The following CCDC60 variants were observed in gnomAD, a reference collection of about 807,000 sequenced individuals.
CCDC60 encodes coiled-coil domain containing 60.
In CCDC60, 54 loss-of-function variants were observed where a neutral mutation model predicts 63.5. The observed-to-expected ratio is 0.85, with a 90% CI of 0.68 to 1.07. The LOEUF (loss-of-function observed/expected upper bound fraction) is 1.07, where lower values mean the gene tolerates loss of function less well. Among genes scored for constraint, CCDC60 ranks in the 50% least tolerant of loss-of-function variants. CCDC60 has a pLI of 0.00. For synonymous variants in CCDC60, 206 were observed against 238.8 expected, an observed-to-expected ratio of 0.86 and a Z score of 1.27; for missense variants, 651 against 684.3, an observed-to-expected ratio of 0.95 and a Z score of 0.54.
At chr12:119,487,140 G>C (rs557566615) in intron 4 of CCDC60, among the ~76,000 whole-genome samples, 2 of 152,092 alleles carry the variant, frequency 1.3e-5, no homozygotes, top group African/African-American at 2.4e-5. Flanking sequence ...GCCCAGGCCC[G>C]TGAGAGCACA....
intron 1 of CCDC60, among the ~76,000 whole-genome samples, chr12:119,392,753 T>C (rs1956182424): frequency 6.6e-6 from 1 of 152,174 alleles, no homozygotes; most frequent in South Asian, 2.1e-4. Flanking sequence ...ATGAACCACA[T>C]GTTTGTACAA....
At chr12:119,375,574 A>G (rs1955943204) in intron 1 of CCDC60, among the ~76,000 whole-genome samples, 1 of 151,978 alleles carries the variant, frequency 6.6e-6, no homozygotes, top group Admixed American at 6.6e-5. Flanking sequence ...CCTCCCCCCA[A>G]CTGTCTCTCT....
intron 1 of CCDC60, among the ~76,000 whole-genome samples, chr12:119,390,793 G>A (rs533190359): frequency 6.6e-6 from 1 of 152,370 alleles, no homozygotes; most frequent in East Asian, 1.9e-4. Flanking sequence ...TGAGTAGCAA[G>A]GAGTTAGATG....
At chr12:119,441,693 A>G (rs1026204362) in intron 2 of CCDC60, among the ~76,000 whole-genome samples, 2 of 152,198 alleles carry the variant, frequency 1.3e-5, no homozygotes, top group Admixed American at 6.5e-5. Context: ...TGTCTTTCTG[A>G]GATTTATCCA....
At chr12:119,506,805 C>T (rs522626) in intron 7 of CCDC60, among the ~76,000 whole-genome samples, 13,885 of 151,918 alleles carry the variant, frequency 0.091, 2,050 homozygotes, top group African/African-American at 0.32. Flanking sequence ...CCATAAGTCA[C>T]ATAAAACATT....
chr12:119,359,498 T>G (rs1195969757), intron 1 of CCDC60, among the ~76,000 whole-genome samples: 1 of 152,072 alleles, frequency 6.6e-6, no homozygotes, highest in Non-Finnish European at 1.5e-5. Context: ...TACTTATACA[T>G]ATATTTTTAA....
chr12:119,406,175 A>AT (rs1471636266), intron 1 of CCDC60, among the ~76,000 whole-genome samples: 7 of 125,886 alleles, frequency 5.6e-5, no homozygotes, highest in African/African-American at 1.9e-4. Flanking sequence ...CTGTCTCAAA[A>AT]AATATATATA....
chr12:119,520,048 C>A, intron 8 of CCDC60, 73 bp from the exon 9 acceptor site: 1 of 1,266,182 alleles, frequency 7.9e-7, no homozygotes, highest in Non-Finnish European at 1.1e-6. Flanking sequence ...ATTCCCCCTC[C>A]TCCCACATGT....
intron 3 of CCDC60, among the ~76,000 whole-genome samples, chr12:119,474,194 G>C (rs1446931929): frequency 1.3e-5 from 2 of 152,352 alleles, no homozygotes; most frequent in Non-Finnish European, 2.9e-5. Flanking sequence ...AATAGGTGTT[G>C]GCTTGGATAT....
intron 4 of CCDC60, 141 bp downstream of exon 4, chr12:119,479,342 AT>A: frequency 1.6e-6 from 1 of 610,870 alleles, no homozygotes; most frequent in Non-Finnish European, 2.9e-6. Flanking sequence ...TGGCAAAGCT[AT>A]TTGGCATATA....
chr12:119,397,508 C>T (rs528896619), intron 1 of CCDC60, among the ~76,000 whole-genome samples: 1 of 151,456 alleles, frequency 6.6e-6, no homozygotes, highest in Non-Finnish European at 1.5e-5. Context: ...AAGTCCTCAC[C>T]AGATTAGCTA....
chr12:119,339,465 C>T (rs1259278651), intron 1 of CCDC60, among the ~76,000 whole-genome samples: 1 of 152,150 alleles, frequency 6.6e-6, no homozygotes, highest in Non-Finnish European at 1.5e-5. Context: ...GGGTGACTTG[C>T]TCATATCCTA....
rs1361961788 is a variant in CCDC60 at position 119,528,718 on chromosome 12, G to C, written c.1333G>C (p.Gly445Arg). The change falls in exon 12 of 14, where the codon GGA becomes CGA. Residue 445 changes from glycine (G) to arginine (R), a missense_variant. Transcript: ENST00000327554. ...GAGACATCACATATCTGTAGTAAAA[G>C]GAGATGCAGAAGAAATTGCAGACCA... ...KMRHHISVVK[G>R]DAEEIADHWY... 1.2e-6 allele frequency: 2 copies of C among 1,613,818 alleles called. No homozygotes were observed. The highest frequency in any genetic ancestry group is 1.7e-6 in the Non-Finnish European group (2 of 1,179,860).
intron 6 of CCDC60, among the ~76,000 whole-genome samples, chr12:119,501,994 G>C (rs1051334057): frequency 1.3e-5 from 2 of 152,126 alleles, no homozygotes; most frequent in African/African-American, 4.8e-5. Context: ...TTGAAGGAGG[G>C]AATCCAACCA....
At chr12:119,487,302 T>TC (rs1199921685) in intron 4 of CCDC60, among the ~76,000 whole-genome samples, 1 of 151,628 alleles carries the variant, frequency 6.6e-6, no homozygotes, top group Non-Finnish European at 1.5e-5. Context: ...GTGAGCTTTT[T>TC]TTTTTTTTTT....
Position 119,410,460 on chromosome 12 carries a change from C to A in CCDC60, c.91-18223C>A, listed in dbSNP as rs1228772501. On this transcript the variant is annotated intron_variant, in intron 1 of 13. Transcript: ENST00000327554. The surrounding 1 kb of genome is among the most constrained non-coding windows in gnomAD (Gnocchi z 4.0). ...CTTCAGTCCTTCACTGGGCCCTCAC[C>A]CCTAAGCTGATTTTGCCGAAATGGC... Among the ~76,000 whole-genome samples the A allele has an allele frequency of 6.6e-6, 1 of 152,052 alleles. No homozygotes were observed. The highest frequency in any genetic ancestry group is 1.9e-4 in the East Asian group (1 of 5,190).
chr12:119,393,298 A>G (rs1956193234), intron 1 of CCDC60, among the ~76,000 whole-genome samples: 2 of 152,246 alleles, frequency 1.3e-5, no homozygotes, highest in African/African-American at 4.8e-5. Flanking sequence ...TTCATCGTGC[A>G]GGAAATATGG....
chr12:119,372,241 C>G (rs1955905555), intron 1 of CCDC60, among the ~76,000 whole-genome samples: 1 of 151,922 alleles, frequency 6.6e-6, no homozygotes, highest in South Asian at 2.1e-4. Flanking sequence ...GCCTGGGTGA[C>G]AGAGCAAGAC....
chr12:119,507,781 A>G (rs141579588), intron 7 of CCDC60, among the ~76,000 whole-genome samples: 1 of 151,332 alleles, frequency 6.6e-6, no homozygotes, highest in East Asian at 1.9e-4. Context: ...CATTTAACAC[A>G]TACTTTTTGA....
Sources: gnomAD v4.1 joint callset for allele counts (sites outside exome capture counted in the v4.1 genomes callset) on GRCh38, gnomAD v4.1.1 for gene constraint, Gnocchi (gnomAD v3.1) non-coding constraint, MANE v1.5 for transcripts, NCBI Gene and HGNC (gene_info 2026-07-23, HGNC 2026-07-21) for gene names.